The following TRIM32 variants were observed in gnomAD, a reference collection of about 807,000 sequenced individuals.
The protein encoded by TRIM32 is tripartite motif containing 32.
Under a neutral mutation model 36.0 loss-of-function variants are expected in TRIM32, and 19 were observed. The ratio of observed to expected loss-of-function variants is 0.53; its 90% CI spans 0.37 to 0.77. TRIM32 has a LOEUF of 0.77. TRIM32 is among the 30% of genes least tolerant of loss of function. The probability of loss-of-function intolerance (pLI) is 0.00; values close to 1 mark genes in which losing one functional copy is unlikely to be tolerated. For synonymous variants in TRIM32, 309 were observed against 318.5 expected (o/e 0.97, Z 0.32); for missense variants, 747 against 845.2 (o/e 0.88, Z 1.44).
intron 1 of TRIM32, among the ~76,000 whole-genome samples, chr9:116,688,293 G>C (rs1222018742): frequency 2.0e-5 from 3 of 152,050 alleles, no homozygotes; most frequent in Non-Finnish European, 4.4e-5. Flanking sequence ...GGATTGAATC[G>C]TGGGGTGGAG....
rs1269327545 is a variant in TRIM32, at chr9:116,687,359, T to C, written c.-104T>C. 1.8e-5 allele frequency: 11 copies of C among 608,034 alleles called. No individual in the cohort carries two copies. Among genetic ancestry groups the C allele is most frequent in the Non-Finnish European group, 2.2e-5 (11 of 489,904 alleles). The allele number at this position is 608,034 out of a possible 1,614,324, so 37.7% of individuals were successfully genotyped here. A position where few individuals can be genotyped will look rare whatever the true frequency, so the allele number is the denominator to read the frequency against. On this transcript the variant is annotated 5_prime_UTR_variant, in exon 1 of 2. Transcript: ENST00000450136. ...GGCGGGTGGGCTGCCGGCGGTGGACTCGTCGGAGCCGCGGGCGGTCAGGTA... is the reference window on the plus strand; with the variant it reads ...GGCGGGTGGGCTGCCGGCGGTGGACCCGTCGGAGCCGCGGGCGGTCAGGTA...
In TRIM32 at chr9:116,697,978, A is replaced by G. The variant is rs775738712; in HGVS notation, c.236A>G (p.Asn79Ser). 9.3e-6 allele frequency: 15 copies of G among 1,614,196 alleles called. No homozygotes were observed. In the South Asian group the frequency reaches 9.9e-5, roughly 11 times the overall value. Residue 79 changes from asparagine (N) to serine (S), a missense_variant, in exon 2 of 2, where the codon AAT becomes AGT. Coordinates refer to ENST00000450136, the MANE Select transcript of TRIM32 (RefSeq NM_012210.4). ...ACCAGCTTGACCCAGCTGACAGACA[A>G]TCTGACAGTGCTAAAGATCATTGAT... ...RITSLTQLTD[N>S]LTVLKIIDTA...
rs1375364646 is a variant in TRIM32, at chr9:116,700,472, A to AAAC, written c.*771_*773dup. The AAAC allele has an allele frequency of 5.4e-5, 9 of 167,178 alleles. No homozygotes were observed. The highest frequency in any genetic ancestry group is 2.2e-4 in the African/African-American group (9 of 41,458). 10.4% of individuals were successfully genotyped at this position (167,178 alleles called of 1,614,324 possible). On this transcript the variant is annotated 3_prime_UTR_variant, in exon 2 of 2. Coordinates refer to ENST00000450136, the MANE Select transcript of TRIM32 (RefSeq NM_012210.4). ...AAAGCATAGGAAGCTGGGAATAAGCAAACAAATGCTGATATAGTCAGCAAA... is the reference window on the plus strand; with the variant it reads ...AAAGCATAGGAAGCTGGGAATAAGCAAACAACAAATGCTGATATAGTCAGCAAA...
At chr9:116,696,950 T>TAAA (rs11400163) in intron 1 of TRIM32, among the ~76,000 whole-genome samples, 2 of 137,118 alleles carry the variant, frequency 1.5e-5, no homozygotes, top group Non-Finnish European at 1.6e-5. Context: ...GTGACATGAT[T>TAAA]AAAAAAAAAA....
intron 1 of TRIM32, among the ~76,000 whole-genome samples, chr9:116,694,787 A>G (rs938809760): frequency 3.9e-5 from 6 of 151,980 alleles, no homozygotes; most frequent in African/African-American, 1.5e-4. Context: ...TGTAATTTCT[A>G]TCAGTATGTC....
Position 116,698,044 on chromosome 9 carries a change from G to A in TRIM32, c.302G>A (p.Arg101Gln), listed in dbSNP as rs758882829. 3.8e-5 allele frequency: 62 copies of A among 1,613,858 alleles called. No individual in the cohort carries two copies. The highest frequency in any genetic ancestry group is 2.0e-4 in the East Asian group (9 of 44,874). The change falls in exon 2 of 2, where the codon CGG (arginine) becomes CAG (glutamine). Residue 101 changes from arginine to glutamine, a missense_variant. Physicochemically the swap from Arg to Gln is conservative, Grantham distance 43 (BLOSUM62 1). Transcript: ENST00000450136. The surrounding 1 kb of genome is among the most constrained non-coding windows in gnomAD (Gnocchi z 4.4). ...GAGGCTGTGGGGCTGCTCATGTGTC[G>A]GTCCTGTGGGCGGCGTCTGCCCCGG... ...LSEAVGLLMC[R>Q]SCGRRLPRQF... is the part of the protein sequence containing the mutation.
At chr9:116,693,360 C>T (rs535970392) in intron 1 of TRIM32, among the ~76,000 whole-genome samples, 3 of 152,116 alleles carry the variant, frequency 2.0e-5, no homozygotes, top group Non-Finnish European at 4.4e-5. Flanking sequence ...GTTTTGTTTG[C>T]TTTTTCTACT....
Position 116,698,442 on chromosome 9 carries a change from C to A in TRIM32, c.700C>A (p.Gln234Lys), listed in dbSNP as rs886043553. Residue 234 changes from glutamine to lysine, a missense_variant, in exon 2 of 2, where the codon CAG becomes AAG. Coordinates refer to ENST00000450136, the MANE Select transcript of TRIM32 (RefSeq NM_012210.4). The surrounding 1 kb of genome is among the most constrained non-coding windows in gnomAD (Gnocchi z 4.4). Reference protein sequence around the residue: ...QSYLLNIAEVQAVSRCDYFLA... With the variant: ...QSYLLNIAEVKAVSRCDYFLA... The stretch of plus-strand genomic sequence containing the variant: ...TTACCTGCTTAACATTGCAGAGGTG[C>A]AGGCTGTGTCTCGCTGTGACTACTT... 3 of 1,614,032 alleles carry A rather than the reference C, an allele frequency of 1.9e-6. No homozygotes were observed. Among genetic ancestry groups the A allele is most frequent in the Non-Finnish European group, 2.5e-6 (3 of 1,180,022 alleles).
intron 1 of TRIM32, among the ~76,000 whole-genome samples, chr9:116,695,578 A>T (rs1041320517): frequency 2.6e-5 from 4 of 152,218 alleles, no homozygotes; most frequent in African/African-American, 9.7e-5. Flanking sequence ...CATTGTCCTT[A>T]AAATCAAACG....
chr9:116,687,654 G>T (rs574718662), intron 1 of TRIM32, among the ~76,000 whole-genome samples: 1 of 151,964 alleles, frequency 6.6e-6, no homozygotes, highest in East Asian at 1.9e-4. Context: ...GCAGCATCTC[G>T]GGAGGTATGA....
Position 116,698,845 on chromosome 9 carries a change from C to G in TRIM32, c.1103C>G (p.Pro368Arg), listed in dbSNP as rs763986341. The G allele has an allele frequency of 6.2e-7, 1 of 1,614,204 alleles. No individual in the cohort carries two copies. Among genetic ancestry groups the G allele is most frequent in the Non-Finnish European group, 8.5e-7 (1 of 1,180,042 alleles). ...AAGATGGGGGCCAAAGGCAGCACTC[C>G]AGGAATGTTCAATCTTCCAGTCAGT... is the stretch of plus-strand genomic sequence containing the variant. ...LKKMGAKGST[P>R]GMFNLPVSLY... The change falls in exon 2 of 2, where the codon CCA becomes CGA. Residue 368 changes from proline (P) to arginine (R), a missense_variant. Physicochemically the swap from Pro to Arg is moderately radical, Grantham distance 103. Transcript: ENST00000450136. The surrounding 1 kb of genome is among the most constrained non-coding windows in gnomAD (Gnocchi z 4.4).
At chr9:116,687,895 G>A (rs915640430) in intron 1 of TRIM32, among the ~76,000 whole-genome samples, 1 of 151,996 alleles carries the variant, frequency 6.6e-6, no homozygotes, top group Non-Finnish European at 1.5e-5. Context: ...GGTTTTCGGA[G>A]TGGGCTGAGG....
At chr9:116,690,392 C>A (rs980053585) in intron 1 of TRIM32, among the ~76,000 whole-genome samples, 1 of 152,194 alleles carries the variant, frequency 6.6e-6, no homozygotes, top group Admixed American at 6.5e-5. Context: ...CTGTCTTACA[C>A]CTATGTTACA....
chr9:116,698,519 TGAG>T lies in TRIM32; in HGVS notation c.784_786del (p.Glu262del), dbSNP rs545471341. The stretch of plus-strand genomic sequence containing the variant: ...TAGCACTACTGGAGGAGACAGCTGA[TGAG>T]GAGGAGCCAGAGCTCACTGCCAGCT... On this transcript the variant is annotated inframe_deletion, in exon 2 of 2. Coordinates refer to ENST00000450136, the MANE Select transcript of TRIM32 (RefSeq NM_012210.4). This position sits in a 1 kb window ranked among gnomAD's most constrained non-coding sequence, Gnocchi z 4.4. 22 of 1,613,702 alleles carry T rather than the reference TGAG, an allele frequency of 1.4e-5. No homozygotes were observed. The South Asian group carries it at 1.8e-4, about 13-fold the overall frequency.
In TRIM32 at chr9:116,698,236, G is replaced by T. The variant is rs761591526; in HGVS notation, c.494G>T (p.Arg165Leu). 1.2e-5 allele frequency: 19 copies of T among 1,614,006 alleles called. No individual in the cohort carries two copies. The African/African-American group carries it at 2.0e-4, about 17-fold the overall frequency. The change falls in exon 2 of 2, where the codon CGG becomes CTG. Residue 165 changes from arginine (R) to leucine (L), a missense_variant. Coordinates refer to ENST00000450136, the MANE Select transcript of TRIM32 (RefSeq NM_012210.4). The surrounding 1 kb of genome is among the most constrained non-coding windows in gnomAD (Gnocchi z 4.4). ...RLRELMGELQ[R>L]RKAALEGVSK... ...CGGGAACTTATGGGGGAGCTGCAGC[G>T]GCGGAAGGCAGCCTTGGAAGGTGTC...
rs748613689 is a variant in TRIM32, at chr9:116,697,739, A to C, written c.-4A>C. The C allele has an allele frequency of 6.2e-7, 1 of 1,613,936 alleles. No individual in the cohort carries two copies. Among genetic ancestry groups the C allele is most frequent in the Non-Finnish European group, 8.5e-7 (1 of 1,180,024 alleles). On this transcript the variant is annotated 5_prime_UTR_variant, in exon 2 of 2. Coordinates refer to ENST00000450136, the MANE Select transcript of TRIM32 (RefSeq NM_012210.4). ...TGCTAGCAATACCCTTCAAAGGAAG[A>C]GCAATGGCTGCAGCAGCAGCTTCTC...
chr9:116,697,218 A>T (rs1198879696), intron 1 of TRIM32, among the ~76,000 whole-genome samples: 4 of 152,322 alleles, frequency 2.6e-5, no homozygotes, highest in Non-Finnish European at 5.9e-5. Context: ...GAAGTTGTAA[A>T]ATTCACCAAA....
intron 1 of TRIM32, among the ~76,000 whole-genome samples, chr9:116,688,962 T>C (rs1206515491): frequency 2.0e-5 from 3 of 152,136 alleles, no homozygotes; most frequent in African/African-American, 7.2e-5. Context: ...AAGTCTGGCT[T>C]TGTCTCCTAG....
chr9:116,696,406 T>C (rs1860855042), intron 1 of TRIM32, among the ~76,000 whole-genome samples: 1 of 152,212 alleles, frequency 6.6e-6, no homozygotes, highest in African/African-American at 2.4e-5. Context: ...ATTTTAAAGG[T>C]GGAGAAAATA....
Sources: gnomAD v4.1 joint callset for allele counts (sites outside exome capture counted in the v4.1 genomes callset) on GRCh38, gnomAD v4.1.1 for gene constraint, Gnocchi (gnomAD v3.1) non-coding constraint, MANE v1.5 for transcripts, NCBI Gene and HGNC (gene_info 2026-07-23, HGNC 2026-07-21) for gene names.